CCNY: variants seen among roughly 807,000 people sequenced by gnomAD.
CCNY encodes the protein cyclin Y.
A neutral mutation model predicts 42.8 loss-of-function variants in CCNY; 19 were observed. The ratio of observed to expected loss-of-function variants is 0.44; its 90% CI spans 0.31 to 0.65. The LOEUF (loss-of-function observed/expected upper bound fraction) is 0.65. CCNY is among the 30% of genes least tolerant of loss of function. The probability of loss-of-function intolerance (pLI) is 0.07; values close to 1 mark genes in which losing one functional copy is unlikely to be tolerated. For missense variants in CCNY, 370 were observed against 437.3 expected, an observed-to-expected ratio of 0.85 and a Z score of 1.37; for synonymous variants, 165 against 162.7, an observed-to-expected ratio of 1.01 and a Z score of -0.11.
intron 1 of CCNY, among the ~76,000 whole-genome samples, chr10:35,389,566 A>C: frequency 6.6e-6 from 1 of 151,562 alleles, no homozygotes; most frequent in Non-Finnish European, 1.5e-5. Flanking sequence ...CAGCCTCCCA[A>C]GTAGCTGGGA....
chr10:35,389,724 A>G lies in CCNY; in HGVS notation c.154+52517A>G, dbSNP rs368410218. On this transcript the variant is annotated intron_variant, in intron 1 of 9. Transcript: ENST00000374704. ...GGTGCTGGGATTACAAGCATGAGCC[A>G]TCACACCCGGCTGAGAATTGTGACT... Among the ~76,000 whole-genome samples the G allele has an allele frequency of 1.9e-4, 29 of 152,312 alleles. No homozygotes were observed. In the East Asian group the frequency reaches 4.6e-3, roughly 24 times the overall value.
At chr10:35,397,798 C>T (rs1349512471) in intron 1 of CCNY, among the ~76,000 whole-genome samples, 2 of 152,200 alleles carry the variant, frequency 1.3e-5, no homozygotes, top group African/African-American at 2.4e-5. Flanking sequence ...TGCCTGGATG[C>T]ATGTGTGTCC....
At chr10:35,270,728 C>CTTTTT (rs11411285) in intron 3 of CCNY, among the ~76,000 whole-genome samples, 3 of 124,734 alleles carry the variant, frequency 2.4e-5, no homozygotes, top group South Asian at 5.2e-4. Context: ...TTTTTTTTTT[C>CTTTTT]TTTTTTTTTT....
intron 1 of CCNY, among the ~76,000 whole-genome samples, chr10:35,468,626 A>G (rs58750927): frequency 0.058 from 8,771 of 152,160 alleles, 732 homozygotes; most frequent in African/African-American, 0.19. Context: ...CTCTTGCTCA[A>G]GAGTCATGAG....
chr10:35,526,085 C>T, intron 5 of CCNY, 86 bp downstream of exon 5: 1 of 1,165,884 alleles, frequency 8.6e-7, no homozygotes, highest in Non-Finnish European at 1.2e-6. Context: ...TTGCTTAAAC[C>T]TTTGAATTAT....
intron 1 of CCNY, among the ~76,000 whole-genome samples, chr10:35,478,416 G>C (rs1347008361): frequency 2.0e-5 from 3 of 151,240 alleles, no homozygotes; most frequent in African/African-American, 7.3e-5. Flanking sequence ...AACCAAAACA[G>C]CATGGTACTG....
chr10:35,359,506 A>ATT, intron 1 of CCNY, among the ~76,000 whole-genome samples: 1 of 151,728 alleles, frequency 6.6e-6, no homozygotes, highest in African/African-American at 2.4e-5. Context: ...TATTATTATT[A>ATT]TTATTATTTT....
chr10:35,527,652 C>G (rs887999227), intron 5 of CCNY, among the ~76,000 whole-genome samples: 4 of 152,170 alleles, frequency 2.6e-5, no homozygotes, highest in Non-Finnish European at 4.4e-5. Context: ...ATCTATTGCT[C>G]TCCTAGATTA....
intron 3 of CCNY, among the ~76,000 whole-genome samples, chr10:35,329,561 A>G (rs1302732020): frequency 6.6e-6 from 1 of 152,188 alleles, no homozygotes; most frequent in Admixed American, 6.5e-5. Flanking sequence ...TGGCATGGAA[A>G]ATATTTATTT....
At chr10:35,347,064 G>A (rs1836321384) in intron 1 of CCNY, among the ~76,000 whole-genome samples, 1 of 152,236 alleles carries the variant, frequency 6.6e-6, no homozygotes, top group Non-Finnish European at 1.5e-5. Context: ...ACTCTGGGCT[G>A]AGTCTAGTCT....
chr10:35,287,491 C>T (rs1835367301), intron 3 of CCNY, among the ~76,000 whole-genome samples: 1 of 152,170 alleles, frequency 6.6e-6, no homozygotes, highest in Non-Finnish European at 1.5e-5. Flanking sequence ...TCAATCAATC[C>T]TTCCACCATT....
intron 1 of CCNY, among the ~76,000 whole-genome samples, chr10:35,398,690 A>G (rs1837578044): frequency 6.6e-6 from 1 of 152,150 alleles, no homozygotes; most frequent in Admixed American, 6.5e-5. Context: ...CAAAATGCTC[A>G]CTAGTTTTTG....
chr10:35,412,529 A>C (rs1554785796), intron 1 of CCNY, among the ~76,000 whole-genome samples: 2 of 151,746 alleles, frequency 1.3e-5, no homozygotes, highest in South Asian at 2.1e-4. Context: ...AGGAGGGGGG[A>C]CATCCAGCCT....
At chr10:35,458,996 A>G (rs371143922) in intron 1 of CCNY, among the ~76,000 whole-genome samples, 3 of 152,246 alleles carry the variant, frequency 2.0e-5, no homozygotes, top group African/African-American at 7.2e-5. Context: ...AGCAGAAGCT[A>G]CTTCTATCAG....
chr10:35,513,262 A>T (rs1046335767), intron 3 of CCNY, among the ~76,000 whole-genome samples: 5 of 152,146 alleles, frequency 3.3e-5, no homozygotes, highest in Non-Finnish European at 2.9e-5. Context: ...ATTTCTTTAG[A>T]ATAATTCATA....
chr10:35,372,519 G>T (rs1167735119), intron 1 of CCNY, among the ~76,000 whole-genome samples: 1 of 152,118 alleles, frequency 6.6e-6, no homozygotes, highest in Non-Finnish European at 1.5e-5. Flanking sequence ...GGCCCTCTCA[G>T]ACTCTCTATT....
chr10:35,480,736 G>A (rs1213871861), intron 1 of CCNY, among the ~76,000 whole-genome samples: 2 of 152,192 alleles, frequency 1.3e-5, no homozygotes, highest in Non-Finnish European at 2.9e-5. Context: ...GGAGGCTGAA[G>A]CAGGAGGATC....
rs9299720 is a variant in CCNY, at chr10:35,343,382, C to CTTTTTT, written c.154+6194_154+6199dup. Among the ~76,000 whole-genome samples, 75 of 85,902 alleles carry CTTTTTT rather than the reference C, an allele frequency of 8.7e-4. 2 individuals are homozygous for CTTTTTT. Among genetic ancestry groups the CTTTTTT allele is most frequent in the Non-Finnish European group, 1.4e-3 (66 of 47,392 alleles). 56.4% of individuals were successfully genotyped at this position (85,902 alleles called of 152,430 possible). ...CACCCTCCTCTACAAAGCTGATGGT[C>CTTTTTT]TTTTTTTTTTTTTTTTTTTTTTTTG... On this transcript the variant is annotated intron_variant, in intron 1 of 9. Transcript: ENST00000374704.
At chr10:35,289,733 G>A (rs1373932506) in intron 3 of CCNY, among the ~76,000 whole-genome samples, 2 of 151,860 alleles carry the variant, frequency 1.3e-5, no homozygotes, top group African/African-American at 4.8e-5. Flanking sequence ...CATTAGCTGG[G>A]CATGGTGGCA....
Sources: allele counts gnomAD v4.1 joint callset (sites outside exome capture counted in the v4.1 genomes callset), GRCh38; gene constraint gnomAD v4.1.1; transcripts MANE v1.5; gene names NCBI Gene and HGNC (gene_info 2026-07-23, HGNC 2026-07-21).